CCDC150: variants seen among roughly 807,000 people sequenced by gnomAD.
The protein encoded by CCDC150 is coiled-coil domain-containing protein 150.
CCDC150 carries 151 observed loss-of-function variants against 156.5 expected under a neutral mutation model. The ratio of observed to expected loss-of-function variants is 0.97; its 90% CI spans 0.85 to 1.10. The LOEUF (loss-of-function observed/expected upper bound fraction) is 1.10. CCDC150 is among the 50% of genes least tolerant of loss of function. CCDC150 has a pLI of 0.00. For synonymous variants in CCDC150, 452 were observed against 429.4 expected (o/e 1.05, Z -0.65); for missense variants, 1,312 against 1,268.1 (o/e 1.03, Z -0.53).
In CCDC150 at chr2:196,730,851, A is replaced by G. The variant is rs762031765; in HGVS notation, c.2983-8A>G. The G allele has an allele frequency of 1.3e-6, 2 of 1,581,788 alleles. No individual in the cohort carries two copies. The highest frequency in any genetic ancestry group is 1.8e-5 in the Admixed American group (1 of 55,090). ...AAGTTTATAAAAATCTTTGTATCACATTTTCAGGAATTGGAAGAAACTGTC... is the reference window on the plus strand; with the variant it reads ...AAGTTTATAAAAATCTTTGTATCACGTTTTCAGGAATTGGAAGAAACTGTC... On this transcript the variant is annotated splice_region_variant and splice_polypyrimidine_tract_variant and intron_variant, in intron 25 of 27. Transcript: ENST00000389175.
chr2:196,674,844 A>G (rs544365429), intron 10 of CCDC150, among the ~76,000 whole-genome samples: 120 of 152,302 alleles, frequency 7.9e-4, no homozygotes, highest in Non-Finnish European at 1.4e-3. Context: ...CCACCATAGT[A>G]ATAGATCACT....
intron 13 of CCDC150, 146 bp from the exon 14 acceptor site, chr2:196,694,896 AGACT>A (rs576390714): frequency 2.5e-4 from 121 of 489,312 alleles, no homozygotes; most frequent in African/African-American, 2.1e-3. Context: ...TAGAGCTATC[AGACT>A]GACTGGTCAT....
At position 196,639,761 on chromosome 2, in the gene CCDC150, G is replaced by A. The variant is rs766690876; in HGVS notation, c.-6G>A. The A allele has an allele frequency of 1.3e-5, 20 of 1,574,666 alleles. No homozygotes were observed. The highest frequency in any genetic ancestry group is 1.6e-5 in the Non-Finnish European group (19 of 1,156,178). On this transcript the variant is annotated 5_prime_UTR_variant, in exon 1 of 28. Coordinates refer to ENST00000389175, the MANE Select transcript of CCDC150 (RefSeq NM_001080539.2). ...CCTGCTGCAGTACGGAGCCTCAGGC[G>A]GACAGATGGACTGTAAGGTGAGGCT... is the stretch of plus-strand genomic sequence containing the variant.
chr2:196,657,385 G>A, intron 4 of CCDC150: 1 of 414,924 alleles, frequency 2.4e-6, no homozygotes, highest in Non-Finnish European at 4.4e-6. Flanking sequence ...TGTGGGTCCA[G>A]AGGTATGAGA....
intron 13 of CCDC150, among the ~76,000 whole-genome samples, chr2:196,682,757 T>C (rs1694915438): frequency 6.6e-6 from 1 of 152,066 alleles, no homozygotes; most frequent in South Asian, 2.1e-4. Context: ...TCATTTCACT[T>C]GAAGTTGCAG....
chr2:196,669,095 G>GTT, intron 7 of CCDC150, among the ~76,000 whole-genome samples: 1 of 152,166 alleles, frequency 6.6e-6, no homozygotes, highest in South Asian at 2.1e-4. Flanking sequence ...TCTGTCTTTG[G>GTT]TTTTCTTTTC....
chr2:196,716,310 G>T (rs1180779050), intron 17 of CCDC150, among the ~76,000 whole-genome samples: 1 of 152,150 alleles, frequency 6.6e-6, no homozygotes, highest in Non-Finnish European at 1.5e-5. Context: ...TTGTACACAG[G>T]TGTTCACATC....
At chr2:196,722,514 C>A (rs550966200) in intron 21 of CCDC150, among the ~76,000 whole-genome samples, 4 of 151,860 alleles carry the variant, frequency 2.6e-5, no homozygotes, top group East Asian at 3.9e-4. Flanking sequence ...TGGGCTCAAA[C>A]AATCCACCTG....
intron 13 of CCDC150, among the ~76,000 whole-genome samples, chr2:196,688,610 A>G (rs2125638921): frequency 6.6e-6 from 1 of 152,052 alleles, no homozygotes; most frequent in African/African-American, 2.4e-5. Flanking sequence ...TTTCTTGTAA[A>G]TTTGTTTGAG....
chr2:196,669,643 A>G (rs974454108), intron 7 of CCDC150, among the ~76,000 whole-genome samples, 190 bp from the exon 8 acceptor site: 1 of 152,126 alleles, frequency 6.6e-6, no homozygotes. Context: ...CTCATTTACC[A>G]TTGCAAATGA....
chr2:196,695,197 A>T (rs1470235464), intron 14 of CCDC150, 38 bp downstream of exon 14: 2 of 1,077,660 alleles, frequency 1.9e-6, no homozygotes, highest in African/African-American at 3.2e-5. Context: ...GCAATTAATG[A>T]CTAATGAGTT....
In CCDC150 at chr2:196,691,915, T is replaced by C. The variant is rs531060154; in HGVS notation, c.1510-3131T>C. On this transcript the variant is annotated intron_variant, in intron 13 of 27. Coordinates refer to ENST00000389175, the MANE Select transcript of CCDC150 (RefSeq NM_001080539.2). The stretch of plus-strand genomic sequence containing the variant: ...GAGATTGCGCCACTGCACTCCAGCC[T>C]GGGCAACAGAGCAAGACTCCATCTC... Among the ~76,000 whole-genome samples the C allele has an allele frequency of 1.9e-4, 29 of 152,226 alleles. No homozygotes were observed. In the East Asian group the frequency reaches 5.6e-3, roughly 30 times the overall value.
intron 13 of CCDC150, among the ~76,000 whole-genome samples, chr2:196,680,127 A>G (rs1416074993): frequency 6.6e-6 from 1 of 152,136 alleles, no homozygotes; most frequent in African/African-American, 2.4e-5. Context: ...ATGAAGACTA[A>G]TGATCAATTT....
chr2:196,649,412 C>G (rs924980361), intron 2 of CCDC150, among the ~76,000 whole-genome samples: 1 of 152,162 alleles, frequency 6.6e-6, no homozygotes, highest in African/African-American at 2.4e-5. Flanking sequence ...GGTAATGTTG[C>G]AGTGCAAGGC....
At chr2:196,658,896 G>A in intron 5 of CCDC150, 36 bp downstream of exon 5, 2 of 1,388,718 alleles carry the variant, frequency 1.4e-6, no homozygotes, top group African/African-American at 1.4e-5. Flanking sequence ...GGAGGTGTTG[G>A]AATTGCAGAG....
intron 2 of CCDC150, among the ~76,000 whole-genome samples, chr2:196,647,869 G>A (rs1692638327): frequency 6.6e-6 from 1 of 152,052 alleles, no homozygotes; most frequent in Non-Finnish European, 1.5e-5. Flanking sequence ...TCTTAAACTG[G>A]AGCTTTGTAC....
At chr2:196,688,663 G>C (rs902408691) in intron 13 of CCDC150, among the ~76,000 whole-genome samples, 60 of 152,140 alleles carry the variant, frequency 3.9e-4, no homozygotes, top group Admixed American at 1.1e-3. Flanking sequence ...CAGATGAGTA[G>C]GTTGCGAAAA....
At chr2:196,710,408 G>T (rs1253502690) in intron 15 of CCDC150, among the ~76,000 whole-genome samples, 1 of 152,146 alleles carries the variant, frequency 6.6e-6, no homozygotes, top group East Asian at 1.9e-4. Flanking sequence ...CATCTGTTAC[G>T]GCTTCCCTTG....
chr2:196,640,781 T>A (rs1047977083), intron 1 of CCDC150, among the ~76,000 whole-genome samples: 1 of 152,214 alleles, frequency 6.6e-6, no homozygotes, highest in Admixed American at 6.5e-5. Flanking sequence ...TGCTGTCACC[T>A]TGGTTCTGGC....
Sources: gnomAD v4.1 joint callset for allele counts (sites outside exome capture counted in the v4.1 genomes callset) on GRCh38, gnomAD v4.1.1 for gene constraint, MANE v1.5 for transcripts, NCBI Gene and HGNC (gene_info 2026-07-23, HGNC 2026-07-21) for gene names.